The following GLMN variants were observed in gnomAD, a reference collection of about 807,000 sequenced individuals.
GLMN encodes glomulin, FKBP associated protein.
In GLMN, 75 loss-of-function variants were observed where a neutral mutation model predicts 87.8. The ratio of observed to expected loss-of-function variants is 0.85; its 90% confidence interval spans 0.71 to 1.04. The LOEUF is 1.04. Ranked by LOEUF, GLMN falls within the 50% of genes least tolerant of loss-of-function variation. The pLI is 0.00. For synonymous variants in GLMN, 206 were observed against 221.6 expected, an observed-to-expected ratio of 0.93 and a Z score of 0.63; for missense variants, 588 against 658.8, an observed-to-expected ratio of 0.89 and a Z score of 1.18.
At chr1:92,364,265 T>G in the GLMN span, among the ~76,000 whole-genome samples, 1 of 152,272 alleles carries the variant, frequency 6.6e-6, no homozygotes, top group Non-Finnish European at 1.5e-5. Context: ...GAAAGCAGAT[T>G]GCAACATTTA....
intron 16 of GLMN, among the ~76,000 whole-genome samples, chr1:92,260,229 CTAATTTCCCTGG>C (rs1337885781): frequency 2.0e-5 from 3 of 152,158 alleles, no homozygotes; most frequent in Non-Finnish European, 4.4e-5. Context: ...TGGGTTTTTG[CTAATTTCCCTGG>C]TATAATTCTT....
At chr1:92,336,328 G>A in the GLMN span, 4 of 1,572,542 alleles carry the variant, frequency 2.5e-6, no homozygotes, top group South Asian at 4.6e-5. Flanking sequence ...TAAAATAAAT[G>A]TAATTTTTAA....
the GLMN span, among the ~76,000 whole-genome samples, chr1:92,316,050 A>T: frequency 6.6e-6 from 1 of 152,216 alleles, no homozygotes; most frequent in Non-Finnish European, 1.5e-5. Context: ...GGCTAAATGT[A>T]GGCTCTGACA....
chr1:92,247,665 T>C (rs1652868666), intron 17 of GLMN, among the ~76,000 whole-genome samples: 2 of 152,204 alleles, frequency 1.3e-5, no homozygotes, highest in Admixed American at 1.3e-4. Flanking sequence ...CTTGAGGCTT[T>C]ACAATGTAAT....
the GLMN span, among the ~76,000 whole-genome samples, chr1:92,319,336 T>C: frequency 7.1e-3 from 1,085 of 152,368 alleles, 14 homozygotes; most frequent in African/African-American, 0.025. Context: ...ACTAGCTGTG[T>C]GATTTTGGGC....
chr1:92,337,472 A>G, the GLMN span, among the ~76,000 whole-genome samples: 1 of 152,168 alleles, frequency 6.6e-6, no homozygotes, highest in African/African-American at 2.4e-5. Context: ...TTCATAGTTT[A>G]AGGCAAACCT....
the GLMN span, chr1:92,323,386 T>G: frequency 4.8e-6 from 6 of 1,261,234 alleles, no homozygotes; most frequent in African/African-American, 7.5e-5. Flanking sequence ...TTTTCTATTG[T>G]TTTCGGGTTT....
the GLMN span, among the ~76,000 whole-genome samples, chr1:92,337,760 C>G: frequency 6.6e-6 from 1 of 152,028 alleles, no homozygotes; most frequent in Non-Finnish European, 1.5e-5. Flanking sequence ...ATTTTTCCAA[C>G]TCATGATAGT....
intron 7 of GLMN, among the ~76,000 whole-genome samples, chr1:92,277,747 T>C (rs1435618082): frequency 6.6e-6 from 1 of 152,130 alleles, no homozygotes; most frequent in Non-Finnish European, 1.5e-5. Context: ...TATGGAAACT[T>C]GGTGCCCCCT....
chr1:92,287,032 G>A (rs550606935), intron 6 of GLMN, among the ~76,000 whole-genome samples: 6 of 152,258 alleles, frequency 3.9e-5, no homozygotes, highest in African/African-American at 1.4e-4. Flanking sequence ...TAACTCAATG[G>A]TCTATAAAAC....
At chr1:92,292,596 T>C (rs916476020) in intron 3 of GLMN, among the ~76,000 whole-genome samples, 6 of 148,566 alleles carry the variant, frequency 4.0e-5, no homozygotes, top group African/African-American at 1.5e-4. Context: ...CTTTTTTTTT[T>C]TTTTTTTTAG....
At chr1:92,258,424 A>G (rs1654540561) in intron 16 of GLMN, among the ~76,000 whole-genome samples, 1 of 152,214 alleles carries the variant, frequency 6.6e-6, no homozygotes, top group Admixed American at 6.5e-5. Flanking sequence ...AAAGATTATA[A>G]ATCATTCTAC....
chr1:92,299,667 AAG>A (rs1454841473), upstream of GLMN, among the ~76,000 whole-genome samples: 1 of 152,182 alleles, frequency 6.6e-6, no homozygotes. Context: ...TCAATCCCCA[AAG>A]AGATACATTT....
At chr1:92,332,362 A>G in the GLMN span, among the ~76,000 whole-genome samples, 5 of 151,652 alleles carry the variant, frequency 3.3e-5, no homozygotes, top group Non-Finnish European at 7.4e-5. Context: ...CAACCTCATA[A>G]TTTTTCTTTG....
rs375807401 is a variant in GLMN, at chr1:92,286,600, A to C, written c.633-8T>G. 7.3e-7 allele frequency: 1 copy of C among 1,367,518 alleles called. No homozygotes were observed. The highest frequency in any genetic ancestry group is 2.3e-5 in the East Asian group (1 of 43,734). 84.7% of individuals were successfully genotyped at this position (1,367,518 alleles called of 1,614,324 possible). On this transcript the variant is annotated splice_polypyrimidine_tract_variant and splice_region_variant and intron_variant, in intron 6 of 18. Coordinates refer to ENST00000370360, the MANE Select transcript of GLMN (RefSeq NM_053274.3). ...TTCAAGCTTTTGAAACAACTAAGGC[A>C]TAAGAAATAGGTAACTATGAAATCA... is the stretch of plus-strand genomic sequence containing the variant.
At chr1:92,249,670 C>T (rs1653189033) in intron 16 of GLMN, among the ~76,000 whole-genome samples, 2 of 152,064 alleles carry the variant, frequency 1.3e-5, no homozygotes, top group Admixed American at 1.3e-4. Context: ...TTGAAATATA[C>T]AATATATTGT....
chr1:92,295,771 A>G (rs887784418), intron 3 of GLMN, among the ~76,000 whole-genome samples: 2 of 152,234 alleles, frequency 1.3e-5, no homozygotes, highest in African/African-American at 4.8e-5. Flanking sequence ...TTTCAGTTAC[A>G]AAATGAACAC....
At chr1:92,304,235 C>A in the GLMN span, 1 of 1,265,004 alleles carries the variant, frequency 7.9e-7, no homozygotes, top group South Asian at 1.3e-5. Flanking sequence ...ACATAACGTT[C>A]ATGTTTATTA....
chr1:92,256,356 C>T (rs906035197), intron 16 of GLMN, among the ~76,000 whole-genome samples: 79 of 152,212 alleles, frequency 5.2e-4, no homozygotes, highest in African/African-American at 1.8e-3. Flanking sequence ...CCTTCTGAAA[C>T]TTTTCCAAAC....
Sources: gnomAD v4.1 joint callset for allele counts (sites outside exome capture counted in the v4.1 genomes callset) on GRCh38, gnomAD v4.1.1 for gene constraint, MANE v1.5 for transcripts, NCBI Gene and HGNC (gene_info 2026-07-23, HGNC 2026-07-21) for gene names.